The following PACSIN1 variants were observed in gnomAD, a reference collection of about 807,000 sequenced individuals.
PACSIN1 encodes the protein protein kinase C and casein kinase substrate in neurons 1, also known as protein kinase C and casein kinase substrate in neurons protein 1.
PACSIN1 carries 15 observed loss-of-function variants against 59.5 expected under a neutral mutation model. The observed-to-expected ratio is 0.25, with a 90% CI of 0.17 to 0.39. The LOEUF is 0.39. Among genes scored for constraint, PACSIN1 ranks in the 10% least tolerant of loss-of-function variants. PACSIN1 has a pLI of 1.00. For synonymous variants in PACSIN1, 210 were observed against 220.6 expected, an observed-to-expected ratio of 0.95 and a Z score of 0.42; for missense variants, 420 against 580.2, an observed-to-expected ratio of 0.72 and a Z score of 2.84.
At chr6:34,512,590 C>T (rs78361395) in intron 1 of PACSIN1, among the ~76,000 whole-genome samples, 193 of 152,278 alleles carry the variant, frequency 1.3e-3, no homozygotes, top group African/African-American at 4.1e-3. Flanking sequence ...GAACTCCCTG[C>T]CAAGGACCTC....
chr6:34,502,715 C>T (rs1023472331), intron 1 of PACSIN1, among the ~76,000 whole-genome samples: 1 of 152,030 alleles, frequency 6.6e-6, no homozygotes, highest in African/African-American at 2.4e-5. Flanking sequence ...ATCTGCCCAC[C>T]TCGGCCTCCC....
chr6:34,514,934 AGCCCGGCAGCAGGCCCCCTCTCC>A lies in PACSIN1; in HGVS notation c.-63-11303_-63-11281del, dbSNP rs989257412. On this transcript the variant is annotated intron_variant, in intron 1 of 9. Transcript: ENST00000244458. This position sits in a 1 kb window ranked among gnomAD's most constrained non-coding sequence, Gnocchi z 4.4. ...GGGAACCCTAGAGGACAGAGCCCCC[AGCCCGGCAGCAGGCCCCCTCTCC>A]GCCCGCCACCACGGAGGAGAAGGAG... 13 of 152,506 alleles carry A rather than the reference AGCCCGGCAGCAGGCCCCCTCTCC, an allele frequency of 8.5e-5. No homozygotes were observed. The highest frequency in any genetic ancestry group is 3.1e-4 in the African/African-American group (13 of 41,552). 9.4% of individuals were successfully genotyped at this position (152,506 alleles called of 1,614,324 possible).
In PACSIN1 at chr6:34,531,146, C is replaced by T. The variant is rs6919434; in HGVS notation, c.1038-454C>T. Among the ~76,000 whole-genome samples the T allele has an allele frequency of 0.066, 10,038 of 152,266 alleles. 431 individuals are homozygous for T. The highest frequency in any genetic ancestry group is 0.092 in the Non-Finnish European group (6,227 of 68,020). On this transcript the variant is annotated intron_variant, in intron 8 of 9. Coordinates refer to ENST00000244458, the MANE Select transcript of PACSIN1 (RefSeq NM_020804.5). The surrounding 1 kb of genome is among the most constrained non-coding windows in gnomAD (Gnocchi z 4.4). ...AGCACCTACTGTGTGTGGCACGGTT[C>T]TATGCACTTTCCATATGTTAACTCA... is the stretch of plus-strand genomic sequence containing the variant.
chr6:34,475,159 AC>A (rs1161856702), intron 1 of PACSIN1, among the ~76,000 whole-genome samples: 1 of 151,966 alleles, frequency 6.6e-6, no homozygotes, highest in African/African-American at 2.4e-5. Context: ...TGTCCCCCTT[AC>A]CTGCCCAAGC....
chr6:34,495,304 C>G (rs10947505), intron 1 of PACSIN1, among the ~76,000 whole-genome samples: 64,127 of 152,068 alleles, frequency 0.42, 13,830 homozygotes, highest in East Asian at 0.55. Flanking sequence ...TTCAGGAATT[C>G]TTTCCTTTAC....
chr6:34,471,876 A>G (rs1234236813), intron 1 of PACSIN1, among the ~76,000 whole-genome samples: 1 of 152,172 alleles, frequency 6.6e-6, no homozygotes, highest in Non-Finnish European at 1.5e-5. Flanking sequence ...GATTTCGGGC[A>G]GTTGTTCGTT....
At chr6:34,511,818 G>A (rs1039698443) in intron 1 of PACSIN1, among the ~76,000 whole-genome samples, 2 of 152,252 alleles carry the variant, frequency 1.3e-5, no homozygotes, top group South Asian at 2.1e-4. Flanking sequence ...TGGGGAACAC[G>A]TGGGATAACT....
chr6:34,476,227 T>A (rs1471645652), intron 1 of PACSIN1, among the ~76,000 whole-genome samples: 1 of 152,186 alleles, frequency 6.6e-6, no homozygotes, highest in African/African-American at 2.4e-5. Flanking sequence ...GAGCATGAAC[T>A]ATGTGCTAGC....
intron 1 of PACSIN1, among the ~76,000 whole-genome samples, chr6:34,478,870 G>A (rs574064088): frequency 5.3e-5 from 8 of 152,250 alleles, no homozygotes; most frequent in African/African-American, 1.9e-4. Flanking sequence ...CACAATTCTG[G>A]AGGCTGAGAA....
At position 34,530,472 on chromosome 6, in the gene PACSIN1, G is replaced by T. The variant is rs1346929840; in HGVS notation, c.922G>T (p.Asp308Tyr). The change falls in exon 8 of 10, where the codon GAC becomes TAC. Residue 308 changes from aspartate (D) to tyrosine (Y), a missense_variant. By Grantham distance (160) the Asp-to-Tyr change is radical. Coordinates refer to ENST00000244458, the MANE Select transcript of PACSIN1 (RefSeq NM_020804.5). This position sits in a 1 kb window ranked among gnomAD's most constrained non-coding sequence, Gnocchi z 4.4. Reference protein sequence around the residue: ...NWPQFEEWNPDLPHTTTKKEK... With the variant: ...NWPQFEEWNPYLPHTTTKKEK... ...CTGGCCCCACCAGGAGTGGAACCCA[G>T]ACCTTCCTCACACCACCACCAAGAA... is the stretch of plus-strand genomic sequence containing the variant. 2 of 1,602,908 alleles carry T rather than the reference G, an allele frequency of 1.2e-6. No individual in the cohort carries two copies. The highest frequency in any genetic ancestry group is 2.2e-5 in the South Asian group (2 of 89,732).
intron 1 of PACSIN1, among the ~76,000 whole-genome samples, chr6:34,493,266 G>T (rs1766902972): frequency 6.6e-6 from 1 of 152,190 alleles, no homozygotes; most frequent in Non-Finnish European, 1.5e-5. Flanking sequence ...TGGACTTTGG[G>T]GTGGCACAGG....
At chr6:34,489,467 C>T (rs533834290) in intron 1 of PACSIN1, among the ~76,000 whole-genome samples, 1 of 152,252 alleles carries the variant, frequency 6.6e-6, no homozygotes, top group African/African-American at 2.4e-5. Flanking sequence ...GACCCGCAGG[C>T]CTCCACGTCG....
At chr6:34,527,237 G>A in intron 2 of PACSIN1, 95 bp from the exon 3 acceptor site, 1 of 1,243,150 alleles carries the variant, frequency 8.0e-7, no homozygotes, top group Non-Finnish European at 1.0e-6. Flanking sequence ...GGGGAGGCGG[G>A]GCGGAAGACA....
In PACSIN1 at chr6:34,535,009, G is replaced by C. The variant is rs1489104485; in HGVS notation, c.*2479G>C. 6.6e-6 allele frequency: 1 copy of C among 152,648 alleles called. No homozygotes were observed. Among genetic ancestry groups the C allele is most frequent in the African/African-American group, 2.4e-5 (1 of 41,456 alleles). The allele number at this position is 152,648 out of a possible 1,614,324, so 9.5% of individuals were successfully genotyped here. A position where few individuals can be genotyped will look rare whatever the true frequency, so the allele number is the denominator to read the frequency against. On this transcript the variant is annotated 3_prime_UTR_variant, in exon 10 of 10. Coordinates refer to ENST00000244458, the MANE Select transcript of PACSIN1 (RefSeq NM_020804.5). ...AACCACCATTCTGCGGCCTGGTTCT[G>C]CAAGGAACCAGGGCTGCCCCACCGC...
chr6:34,492,149 T>C (rs941334275), intron 1 of PACSIN1, among the ~76,000 whole-genome samples: 2 of 151,876 alleles, frequency 1.3e-5, no homozygotes, highest in African/African-American at 4.8e-5. Context: ...AGTGTATATG[T>C]GTTCCCTTTT....
chr6:34,503,172 C>T (rs528857914), intron 1 of PACSIN1, among the ~76,000 whole-genome samples: 4 of 151,092 alleles, frequency 2.6e-5, no homozygotes, highest in African/African-American at 4.9e-5. Flanking sequence ...GGAGGCTGTC[C>T]GTAGGAGGAT....
At chr6:34,471,310 G>A (rs1451547293) in intron 1 of PACSIN1, among the ~76,000 whole-genome samples, 1 of 152,088 alleles carries the variant, frequency 6.6e-6, no homozygotes, top group Non-Finnish European at 1.5e-5. Flanking sequence ...GGAGAGAGAG[G>A]GTGAGAATTT....
intron 1 of PACSIN1, among the ~76,000 whole-genome samples, chr6:34,519,218 G>T (rs1466630324): frequency 6.6e-6 from 1 of 152,142 alleles, no homozygotes; most frequent in Non-Finnish European, 1.5e-5. Context: ...TCCTAGCTGG[G>T]ATGAGCCCAG....
chr6:34,521,169 G>A lies in PACSIN1; in HGVS notation c.-63-5074G>A, dbSNP rs1353158006. Among the ~76,000 whole-genome samples, 1 of 152,206 alleles carries A rather than the reference G, an allele frequency of 6.6e-6. No individual in the cohort carries two copies. The highest frequency in any genetic ancestry group is 1.5e-5 in the Non-Finnish European group (1 of 68,034). On this transcript the variant is annotated intron_variant, in intron 1 of 9. Transcript: ENST00000244458. This position sits in a 1 kb window ranked among gnomAD's most constrained non-coding sequence, Gnocchi z 4.3. ...TCCTGTGGGAAGGAGGACACGCAAC[G>A]TGATGAATGCCGTGCTGTGGATGCC...
Sources: gnomAD v4.1 joint callset for allele counts (sites outside exome capture counted in the v4.1 genomes callset) on GRCh38, gnomAD v4.1.1 for gene constraint, Gnocchi (gnomAD v3.1) non-coding constraint, MANE v1.5 for transcripts, NCBI Gene and HGNC (gene_info 2026-07-23, HGNC 2026-07-21) for gene names.